The following ARMC2 variants were observed in gnomAD, a reference collection of about 807,000 sequenced individuals.
ARMC2 encodes armadillo repeat-containing protein 2.
ARMC2 carries 67 observed loss-of-function variants against 90.3 expected under a neutral mutation model. The ratio of observed to expected loss-of-function variants is 0.74; its 90% CI spans 0.61 to 0.91. ARMC2 has a LOEUF of 0.91. Among genes scored for constraint, ARMC2 ranks in the 40% least tolerant of loss-of-function variants. The pLI, the probability that ARMC2 is intolerant of heterozygous loss-of-function variation, is 0.00. For synonymous variants in ARMC2, 393 were observed against 393.0 expected (o/e 1.00, Z 0.00); for missense variants, 920 against 1,030.9 (o/e 0.89, Z 1.47).
chr6:108,885,497 T>G (rs1360347623), intron 5 of ARMC2, among the ~76,000 whole-genome samples: 4 of 151,978 alleles, frequency 2.6e-5, no homozygotes, highest in Admixed American at 2.6e-4. Flanking sequence ...AAGACCAGCA[T>G]GCCCAACATG....
chr6:108,963,817 AAGAC>A (rs374621953), intron 15 of ARMC2, among the ~76,000 whole-genome samples: 199 of 152,274 alleles, frequency 1.3e-3, no homozygotes, highest in African/African-American at 4.5e-3. Flanking sequence ...TGTGTATTTA[AAGAC>A]AGACAGTTGC....
At chr6:108,889,199 T>G (rs1770690481) in intron 5 of ARMC2, among the ~76,000 whole-genome samples, 2 of 152,168 alleles carry the variant, frequency 1.3e-5, no homozygotes, top group Non-Finnish European at 2.9e-5. Context: ...CAGGCTGGAG[T>G]GAAGTGTGCA....
the ARMC2 span, among the ~76,000 whole-genome samples, chr6:108,982,362 T>C: frequency 6.6e-6 from 1 of 152,168 alleles, no homozygotes; most frequent in Admixed American, 6.5e-5. Context: ...AGATCATCTC[T>C]CACCTGTCTC....
the ARMC2 span, among the ~76,000 whole-genome samples, chr6:109,029,495 C>G: frequency 7.2e-5 from 11 of 152,162 alleles, no homozygotes; most frequent in African/African-American, 2.7e-4. Context: ...CAACCTCTCC[C>G]TCCTCAAGCC....
chr6:108,964,647 G>A (rs1260725066), intron 16 of ARMC2, among the ~76,000 whole-genome samples: 1 of 152,072 alleles, frequency 6.6e-6, no homozygotes, highest in African/African-American at 2.4e-5. Context: ...TGTGGCACAC[G>A]CCTGTAATCC....
At chr6:108,937,641 C>T (rs1489442230) in intron 12 of ARMC2, among the ~76,000 whole-genome samples, 1 of 152,174 alleles carries the variant, frequency 6.6e-6, no homozygotes, top group African/African-American at 2.4e-5. Flanking sequence ...GAAGAACTTA[C>T]AAACGATTTC....
the ARMC2 span, chr6:108,990,885 T>C: frequency 1.4e-6 from 2 of 1,472,404 alleles, no homozygotes; most frequent in Non-Finnish European, 1.9e-6. Flanking sequence ...CAAGTACAGT[T>C]CTATATCTAT....
chr6:108,923,372 G>C (rs1774777525), intron 10 of ARMC2, among the ~76,000 whole-genome samples: 1 of 152,044 alleles, frequency 6.6e-6, no homozygotes, highest in African/African-American at 2.4e-5. Context: ...TCCTGCTTTG[G>C]GGGAGGGCCC....
At chr6:108,885,633 C>T (rs2128448174) in intron 5 of ARMC2, among the ~76,000 whole-genome samples, 1 of 151,590 alleles carries the variant, frequency 6.6e-6, no homozygotes, top group African/African-American at 2.4e-5. Context: ...GAGATTGCAC[C>T]CCTGCACTCC....
chr6:109,010,482 G>A, the ARMC2 span, among the ~76,000 whole-genome samples: 800 of 152,238 alleles, frequency 5.3e-3, 8 homozygotes, highest in African/African-American at 0.017. Flanking sequence ...GGAAACAAGT[G>A]GAATTTATAG....
intron 10 of ARMC2, among the ~76,000 whole-genome samples, chr6:108,912,841 T>G (rs1773576595): frequency 1.3e-5 from 2 of 152,254 alleles, no homozygotes; most frequent in Non-Finnish European, 2.9e-5. Flanking sequence ...TGTACCTCTC[T>G]GCAAAACAAT....
intron 16 of ARMC2, 68 bp from the exon 17 acceptor site, chr6:108,964,912 C>A: frequency 8.5e-7 from 1 of 1,173,884 alleles, no homozygotes; most frequent in Non-Finnish European, 1.2e-6. Flanking sequence ...AATCATTATG[C>A]TAACAATATT....
chr6:109,045,704 C>T, the ARMC2 span, among the ~76,000 whole-genome samples: 2 of 152,178 alleles, frequency 1.3e-5, no homozygotes, highest in African/African-American at 4.8e-5. Context: ...TCCCCTCATC[C>T]CCAACCATCC....
the ARMC2 span, chr6:108,994,591 CAAAG>C: frequency 8.7e-6 from 14 of 1,606,456 alleles, no homozygotes; most frequent in Admixed American, 1.7e-5. Context: ...GCTTCAACCT[CAAAG>C]AAAGAATCAC....
chr6:108,894,085 C>T (rs889329447), intron 5 of ARMC2, among the ~76,000 whole-genome samples: 1 of 152,026 alleles, frequency 6.6e-6, no homozygotes, highest in Admixed American at 6.5e-5. Context: ...AACTGTATAT[C>T]GGCTGGACAC....
At position 108,935,860 on chromosome 6, in the gene ARMC2, T is replaced by G. The variant is rs181201093; in HGVS notation, c.1497-1040T>G. 1.4e-3 allele frequency among the ~76,000 whole-genome samples: 210 copies of G among 152,314 alleles called. 1 individual carries two copies. The highest frequency in any genetic ancestry group is 3.7e-3 in the Admixed American group (56 of 15,294). On this transcript the variant is annotated intron_variant, in intron 11 of 17. Transcript: ENST00000392644. ...TGTTCTTACATTTCCAAAAAAAAGG[T>G]TTTTTTAAATTTATTTTTTAAATGA... is the stretch of plus-strand genomic sequence containing the variant.
At chr6:108,894,652 T>C in intron 6 of ARMC2, 109 bp downstream of exon 6, 1 of 925,076 alleles carries the variant, frequency 1.1e-6, no homozygotes, top group Non-Finnish European at 1.6e-6. Context: ...GTTTGTCCAA[T>C]TTGGTCACAA....
At chr6:108,856,252 G>GTTTGTT (rs927610562) in intron 2 of ARMC2, 1 of 150,324 alleles carries the variant, frequency 6.7e-6, no homozygotes, top group Admixed American at 6.6e-5. Flanking sequence ...TTTGTTTTTT[G>GTTTGTT]TTTGTTTTTG....
intron 5 of ARMC2, among the ~76,000 whole-genome samples, chr6:108,894,252 G>T (rs1434324356): frequency 6.6e-6 from 1 of 152,172 alleles, no homozygotes; most frequent in African/African-American, 2.4e-5. Flanking sequence ...TGTAGTTCTG[G>T]CTACTCGGGA....
Sources: allele counts gnomAD v4.1 joint callset (sites outside exome capture counted in the v4.1 genomes callset), GRCh38; gene constraint gnomAD v4.1.1; transcripts MANE v1.5; gene names NCBI Gene and HGNC (gene_info 2026-07-23, HGNC 2026-07-21).